KLHL5: variants seen among roughly 807,000 people sequenced by gnomAD.
KLHL5 encodes the protein kelch-like protein 5.
KLHL5 carries 48 observed loss-of-function variants against 77.7 expected under a neutral mutation model. The ratio of observed to expected loss-of-function variants is 0.62; its 90% CI spans 0.49 to 0.79. The LOEUF (loss-of-function observed/expected upper bound fraction) is 0.79. KLHL5 is among the 30% of genes least tolerant of loss of function. The pLI, the probability that KLHL5 is intolerant of heterozygous loss-of-function variation, is 0.00. For missense variants in KLHL5, 723 were observed against 859.7 expected (o/e 0.84, Z 1.99); for synonymous variants, 260 against 297.0 (o/e 0.88, Z 1.28).
downstream of KLHL5, among the ~76,000 whole-genome samples, chr4:39,128,182 C>T (rs1375482560): frequency 6.6e-6 from 1 of 152,118 alleles, no homozygotes; most frequent in Non-Finnish European, 1.5e-5. Flanking sequence ...GCACTTAGCA[C>T]TTTATCTATT....
upstream of KLHL5, among the ~76,000 whole-genome samples, chr4:39,062,018 A>G (rs1457915522): frequency 3.3e-5 from 5 of 152,174 alleles, no homozygotes; most frequent in African/African-American, 1.2e-4. Flanking sequence ...TCCCCATCCA[A>G]AGAGCACACC....
rs760181703 is a variant in KLHL5, at chr4:39,086,569, G to A, written c.955G>A (p.Glu319Lys). 32 of 1,613,856 alleles carry A rather than the reference G, an allele frequency of 2.0e-5. No homozygotes were observed. In the Admixed American group the frequency reaches 2.0e-4, roughly 10 times the overall value. Reference sequence around the variant, plus strand: ...GGAATTTGTATTATTACCAGCCAGCGAAATTGCAAAGCTCTTGGCTAGTGA... The same window carrying A: ...GGAATTTGTATTATTACCAGCCAGCAAAATTGCAAAGCTCTTGGCTAGTGA... ...NQEFVLLPAS[E>K]IAKLLASDDM... Residue 319 changes from glutamate (E) to lysine (K), a missense_variant, in exon 5 of 11, where the codon GAA (glutamate) becomes AAA (lysine). Physicochemically the swap from Glu to Lys is moderately conservative, Grantham distance 56. This residue lies in a region of KLHL5 where 288 missense variants were observed against 400.3 expected (regional missense o/e 0.72). Coordinates refer to ENST00000504108, the MANE Select transcript of KLHL5 (RefSeq NM_015990.5).
intron 5 of KLHL5, among the ~76,000 whole-genome samples, chr4:39,087,009 C>G (rs1720113115): frequency 7.1e-6 from 1 of 139,966 alleles, no homozygotes; most frequent in African/African-American, 2.6e-5. Flanking sequence ...CTCCCCAGTT[C>G]AAGTTATTCT....
At chr4:39,128,243 A>C (rs574528705), downstream of KLHL5, among the ~76,000 whole-genome samples, 1 of 152,214 alleles carries the variant, frequency 6.6e-6, no homozygotes, top group Non-Finnish European at 1.5e-5. Context: ...GAATATAAAT[A>C]TGAAGTAGAT....
intron 8 of KLHL5, 22 bp from the exon 9 acceptor site, chr4:39,112,998 A>C (rs372248552): frequency 2.8e-5 from 45 of 1,600,248 alleles, no homozygotes; most frequent in Non-Finnish European, 3.8e-5. Context: ...CTTATTTATC[A>C]TTTCATATAT....
intron 1 of KLHL5, among the ~76,000 whole-genome samples, chr4:39,071,153 A>G (rs1385168483): frequency 6.6e-6 from 1 of 152,136 alleles, no homozygotes. Flanking sequence ...AAGTATACTG[A>G]AAAGGATATG....
chr4:39,089,378 T>C (rs748791685), intron 5 of KLHL5, among the ~76,000 whole-genome samples: 1 of 152,190 alleles, frequency 6.6e-6, no homozygotes, highest in African/African-American at 2.4e-5. Context: ...TGAAGAATCA[T>C]GTTCCCAAAG....
intron 1 of KLHL5, among the ~76,000 whole-genome samples, chr4:39,069,947 C>CA (rs1369271061): frequency 6.6e-6 from 1 of 152,114 alleles, no homozygotes; most frequent in Non-Finnish European, 1.5e-5. Context: ...TGTTTTTCTC[C>CA]ATTTCTAAAT....
At chr4:39,060,980 A>G (rs1717366624), upstream of KLHL5, among the ~76,000 whole-genome samples, 1 of 152,080 alleles carries the variant, frequency 6.6e-6, no homozygotes, top group African/African-American at 2.4e-5. Context: ...ATTATTTCCC[A>G]CTTCTTCCTT....
At chr4:39,110,996 TG>T (rs1722419265) in intron 8 of KLHL5, among the ~76,000 whole-genome samples, 1 of 152,188 alleles carries the variant, frequency 6.6e-6, no homozygotes, top group Admixed American at 6.5e-5. Flanking sequence ...GAAATTCAAA[TG>T]AACCATTTTT....
chr4:39,073,482 G>A (rs1718688122), intron 1 of KLHL5, among the ~76,000 whole-genome samples: 2 of 152,050 alleles, frequency 1.3e-5, no homozygotes, highest in Admixed American at 6.6e-5. Flanking sequence ...TAAGAAAGAC[G>A]TACTTGATTT....
Position 39,113,232 on chromosome 4 carries a change from G to A in KLHL5, c.1901G>A (p.Arg634Lys). Residue 634 changes from arginine (R) to lysine (K), a missense_variant and splice_region_variant, in exon 9 of 11, where the codon AGA (arginine) becomes AAA (lysine). This residue lies in a region of KLHL5 where 214 missense variants were observed against 237.4 expected (regional missense o/e 0.90). Coordinates refer to ENST00000504108, the MANE Select transcript of KLHL5 (RefSeq NM_015990.5). Reference protein sequence around the residue: ...LTSRLSDCVERYDPKTDMWTA... With the variant: ...LTSRLSDCVEKYDPKTDMWTA... ...TCCAGACTCTCAGACTGTGTGGAAA[G>A]GTAATTTCCTGGGAAGAAAAACTAG... 1 of 1,608,004 alleles carries A rather than the reference G, an allele frequency of 6.2e-7. No individual in the cohort carries two copies. The highest frequency in any genetic ancestry group is 1.1e-5 in the South Asian group (1 of 90,330).
intron 5 of KLHL5, among the ~76,000 whole-genome samples, chr4:39,088,590 T>C (rs144633344): frequency 1.7e-4 from 26 of 152,066 alleles, no homozygotes; most frequent in African/African-American, 6.3e-4. Context: ...GGAGATGGTA[T>C]CAGATGGTGG....
chr4:39,118,060 A>T (rs1722968061), intron 10 of KLHL5, among the ~76,000 whole-genome samples: 2 of 33,098 alleles, frequency 6.0e-5, no homozygotes, highest in African/African-American at 1.4e-4. Flanking sequence ...GACTCCATCT[A>T]AAAAAAAAAA....
intron 1 of KLHL5, among the ~76,000 whole-genome samples, chr4:39,065,086 C>T (rs1577648844): frequency 6.6e-6 from 1 of 152,122 alleles, no homozygotes; most frequent in Non-Finnish European, 1.5e-5. Context: ...TTTCAATCTT[C>T]TTATTGCAAA....
intron 5 of KLHL5, among the ~76,000 whole-genome samples, chr4:39,088,111 A>C (rs1419267931): frequency 6.6e-6 from 1 of 152,252 alleles, no homozygotes; most frequent in Non-Finnish European, 1.5e-5. Context: ...AATTCTTTCT[A>C]GATGAAATCA....
the KLHL5 span, among the ~76,000 whole-genome samples, chr4:39,137,395 A>T: frequency 6.6e-6 from 1 of 151,706 alleles, no homozygotes; most frequent in Admixed American, 6.6e-5. Flanking sequence ...CAAAGTGGGG[A>T]GGATCACTTG....
In KLHL5 at chr4:39,062,413, G is replaced by C; in HGVS notation, c.-240G>C. On this transcript the variant is annotated 5_prime_UTR_variant, in exon 1 of 11. Coordinates refer to ENST00000504108, the MANE Select transcript of KLHL5 (RefSeq NM_015990.5). ...CTTCAGGATAGGTGGATGAGAGTTT[G>C]CTCTGATTGAACGGAATGTTCCACC... is the stretch of plus-strand genomic sequence containing the variant. The C allele has an allele frequency of 2.0e-6, 3 of 1,483,430 alleles. No individual in the cohort carries two copies. The highest frequency in any genetic ancestry group is 2.8e-5 in the South Asian group (2 of 71,384). 91.9% of individuals were successfully genotyped at this position (1,483,430 alleles called of 1,614,324 possible).
rs755006031 is a variant in KLHL5 at position 39,103,512 on chromosome 4, G to T, written c.1525+1G>T. 3 of 1,611,642 alleles carry T rather than the reference G, an allele frequency of 1.9e-6. No individual in the cohort carries two copies. In the South Asian group the frequency reaches 3.3e-5, roughly 18 times the overall value. ...ATGTCCACACATAGACATGGCCTTGGTAAGTACAACTATGCAGATTCACTC... is the reference window on the plus strand; with the variant it reads ...ATGTCCACACATAGACATGGCCTTGTTAAGTACAACTATGCAGATTCACTC... On this transcript the variant is annotated splice_donor_variant, in intron 7 of 10. Coordinates refer to ENST00000504108, the MANE Select transcript of KLHL5 (RefSeq NM_015990.5). LOFTEE classifies it high-confidence loss of function.
Sources: gnomAD v4.1 joint callset for allele counts (sites outside exome capture counted in the v4.1 genomes callset) on GRCh38, gnomAD v4.1.1 for gene constraint, gnomAD v4.1.1 regional missense constraint, MANE v1.5 for transcripts, NCBI Gene and HGNC (gene_info 2026-07-23, HGNC 2026-07-21) for gene names.